Variants in DNER observed in about 807,000 individuals in gnomAD.
DNER encodes delta and Notch-like epidermal growth factor-related receptor.
In DNER, 33 loss-of-function variants were observed where a neutral mutation model predicts 78.2. The observed-to-expected ratio is 0.42, with a 90% CI of 0.32 to 0.56. DNER has a LOEUF of 0.56. Ranked by LOEUF, DNER falls within the 20% of genes least tolerant of loss-of-function variation. DNER has a pLI of 0.11. For missense variants in DNER, 918 were observed against 975.3 expected (o/e 0.94, Z 0.78); for synonymous variants, 417 against 384.8 (o/e 1.08, Z -0.98).
chr2:229,415,649 C>A (rs997620045), intron 9 of DNER, among the ~76,000 whole-genome samples: 40 of 152,178 alleles, frequency 2.6e-4, no homozygotes, highest in African/African-American at 9.4e-4. Flanking sequence ...ATCTGGATAT[C>A]TTTGTTTTGA....
chr2:229,694,228 G>GA (rs1699628247), intron 1 of DNER, among the ~76,000 whole-genome samples: 1 of 152,252 alleles, frequency 6.6e-6, no homozygotes, highest in South Asian at 2.1e-4. Context: ...AGGGTGCATG[G>GA]AAACGCCTGG....
At chr2:229,606,667 A>T (rs1229131536) in intron 1 of DNER, among the ~76,000 whole-genome samples, 3 of 152,014 alleles carry the variant, frequency 2.0e-5, no homozygotes, top group Admixed American at 6.6e-5. Flanking sequence ...CCAAGGCAGG[A>T]GGATCACTGG....
chr2:229,546,722 C>A (rs180672049), intron 5 of DNER, among the ~76,000 whole-genome samples: 1 of 151,998 alleles, frequency 6.6e-6, no homozygotes, highest in Non-Finnish European at 1.5e-5. Flanking sequence ...GGCAACAGAG[C>A]GAGACCCCAT....
intron 7 of DNER, among the ~76,000 whole-genome samples, chr2:229,472,881 G>A (rs1694952719): frequency 2.0e-5 from 3 of 152,318 alleles, no homozygotes; most frequent in Non-Finnish European, 4.4e-5. Context: ...ACCTGTTGAT[G>A]AAGGATAAAA....
chr2:229,564,129 C>T (rs1697044032), intron 4 of DNER, among the ~76,000 whole-genome samples: 1 of 150,052 alleles, frequency 6.7e-6, no homozygotes, highest in South Asian at 2.1e-4. Flanking sequence ...CCATCATCAT[C>T]ATCCTCACCC....
chr2:229,621,260 T>A (rs72991654), intron 1 of DNER, among the ~76,000 whole-genome samples: 1 of 152,194 alleles, frequency 6.6e-6, no homozygotes, highest in East Asian at 1.9e-4. Context: ...ATTGCCCTAT[T>A]TTGATCATTC....
At chr2:229,531,707 C>T (rs777552657) in intron 5 of DNER, among the ~76,000 whole-genome samples, 3 of 152,196 alleles carry the variant, frequency 2.0e-5, no homozygotes, top group Admixed American at 6.5e-5. Context: ...AATACTTGTA[C>T]AGACATGTTC....
intron 1 of DNER, among the ~76,000 whole-genome samples, chr2:229,647,379 C>T (rs921609709): frequency 3.3e-5 from 5 of 152,218 alleles, no homozygotes; most frequent in African/African-American, 1.2e-4. Context: ...CAGAACTCAA[C>T]TTCCCCACTT....
chr2:229,678,290 C>T (rs1414359137), intron 1 of DNER, among the ~76,000 whole-genome samples: 1 of 152,162 alleles, frequency 6.6e-6, no homozygotes, highest in African/African-American at 2.4e-5. Context: ...CCTTCCATCA[C>T]TTAGTGAAGA....
intron 1 of DNER, among the ~76,000 whole-genome samples, chr2:229,604,448 A>G (rs1697895178): frequency 6.6e-6 from 1 of 152,130 alleles, no homozygotes; most frequent in Non-Finnish European, 1.5e-5. Context: ...TGTATCTGTT[A>G]GGCTCGGTGG....
chr2:229,544,316 AC>A (rs937563922), intron 5 of DNER, among the ~76,000 whole-genome samples: 39 of 151,994 alleles, frequency 2.6e-4, no homozygotes, highest in African/African-American at 9.4e-4. Flanking sequence ...CTGGCTCTGC[AC>A]CTCCTGGCCT....
chr2:229,495,631 G>A (rs767421178), intron 6 of DNER, among the ~76,000 whole-genome samples: 1 of 152,140 alleles, frequency 6.6e-6, no homozygotes, highest in Non-Finnish European at 1.5e-5. Flanking sequence ...CCCACGTTAG[G>A]AAGGGTAATA....
intron 10 of DNER, among the ~76,000 whole-genome samples, chr2:229,390,887 T>C (rs1196167087): frequency 6.6e-6 from 1 of 152,248 alleles, no homozygotes; most frequent in East Asian, 1.9e-4. Context: ...ATGCATCTAG[T>C]TGAATCAGTT....
chr2:229,627,482 C>T (rs1453332666), intron 1 of DNER, among the ~76,000 whole-genome samples: 2 of 151,788 alleles, frequency 1.3e-5, no homozygotes, highest in African/African-American at 2.4e-5. Flanking sequence ...TGGTTTAGTG[C>T]CAGCTCCAGA....
chr2:229,367,349 C>T lies in DNER; in HGVS notation c.1856-230G>A, dbSNP rs529826568. ...GGCACAGTGGCTGACGGCTGTAATC[C>T]CAGCACTTTGGGAGGCTGAGGCAGG... On this transcript the variant is annotated intron_variant, in intron 11 of 12. Transcript: ENST00000341772. Among the ~76,000 whole-genome samples the T allele has an allele frequency of 2.7e-4, 41 of 152,242 alleles. No individual in the cohort carries two copies. In the South Asian group the frequency reaches 6.0e-3, roughly 22 times the overall value.
intron 7 of DNER, among the ~76,000 whole-genome samples, chr2:229,454,648 CT>C (rs1308130172): frequency 4.7e-5 from 7 of 150,252 alleles, no homozygotes; most frequent in Non-Finnish European, 1.0e-4. Context: ...GAAAATTTCA[CT>C]AAAGAGATAT....
intron 8 of DNER, among the ~76,000 whole-genome samples, chr2:229,421,628 AATAT>A (rs55973585): frequency 7.5e-6 from 1 of 133,242 alleles, no homozygotes; most frequent in African/African-American, 2.6e-5. Context: ...TACAACATGA[AATAT>A]ATATATATAT....
intron 1 of DNER, among the ~76,000 whole-genome samples, chr2:229,646,113 C>T (rs1230303947): frequency 1.3e-5 from 2 of 152,188 alleles, no homozygotes; most frequent in Non-Finnish European, 2.9e-5. Flanking sequence ...GTATTTCTCT[C>T]CTTTCCATGC....
chr2:229,566,051 G>A (rs545737930), intron 4 of DNER, among the ~76,000 whole-genome samples: 11 of 152,214 alleles, frequency 7.2e-5, no homozygotes, highest in South Asian at 2.1e-4. Flanking sequence ...TATGAATGTC[G>A]AAATAATAAT....
Sources: gnomAD v4.1 joint callset for allele counts (sites outside exome capture counted in the v4.1 genomes callset) on GRCh38, gnomAD v4.1.1 for gene constraint, MANE v1.5 for transcripts, NCBI Gene and HGNC (gene_info 2026-07-23, HGNC 2026-07-21) for gene names.